Variants in ANKFY1 observed in about 807,000 individuals in gnomAD.
ANKFY1 encodes ankyrin repeat and FYVE domain containing 1, also known as ankyrin repeat and FYVE domain-containing protein 1.
ANKFY1 carries 47 observed loss-of-function variants against 128.3 expected under a neutral mutation model. That is an observed-to-expected ratio of 0.37 (90% CI 0.29 to 0.47). ANKFY1 has a LOEUF of 0.47. ANKFY1 is among the 20% of genes least tolerant of loss of function. The pLI, the probability that ANKFY1 is intolerant of heterozygous loss-of-function variation, is 1.00. For missense variants in ANKFY1, 1,222 were observed against 1,510.6 expected (o/e 0.81, Z 3.17); for synonymous variants, 553 against 601.6 (o/e 0.92, Z 1.18).
Position 4,184,967 on chromosome 17 carries a change from G to C in ANKFY1, c.1550C>G (p.Pro517Arg). The C allele has an allele frequency of 6.2e-7, 1 of 1,614,040 alleles. No homozygotes were observed. Among genetic ancestry groups the C allele is most frequent in the Non-Finnish European group, 8.5e-7 (1 of 1,180,042 alleles). The change falls in exon 12 of 25, where the codon CCA (proline) becomes CGA (arginine). Residue 517 changes from proline (P) to arginine (R), a missense_variant. Pro to Arg is a moderately radical substitution (Grantham distance 103). Transcript: ENST00000341657. Reference protein sequence around the residue: ...TAELLQQGANPNLQTEEALPL... With the variant: ...TAELLQQGANRNLQTEEALPL... ...CAGAGCTTCCTCCGTCTGCAGGTTT[G>C]GGTTGGCGCCTTGCTGCAGGAGCTC...
chr17:4,237,180 T>G (rs1240022168), intron 2 of ANKFY1, among the ~76,000 whole-genome samples: 1 of 152,106 alleles, frequency 6.6e-6, no homozygotes, highest in Non-Finnish European at 1.5e-5. Flanking sequence ...TTGTATATAA[T>G]GCTTGACAGA....
At chr17:4,216,906 T>C (rs1225250066) in intron 4 of ANKFY1, 77 bp downstream of exon 4, 63 of 1,593,170 alleles carry the variant, frequency 4.0e-5, no homozygotes, top group Non-Finnish European at 5.2e-5. Context: ...CAGAAGAAGC[T>C]GTTTTCCCAG....
In ANKFY1 at chr17:4,186,808, T is replaced by C. The variant is rs570463562; in HGVS notation, c.1471-1762A>G. 16 of 990,710 alleles carry C rather than the reference T, an allele frequency of 1.6e-5. No homozygotes were observed. The South Asian group carries it at 7.5e-4, about 46-fold the overall frequency. The allele number at this position is 990,710 out of a possible 1,614,324, so 61.4% of individuals were successfully genotyped here. A position where few individuals can be genotyped will look rare whatever the true frequency, so the allele number is the denominator to read the frequency against. On this transcript the variant is annotated intron_variant, in intron 11 of 24. Coordinates refer to ENST00000341657, the MANE Select transcript of ANKFY1 (RefSeq NM_001330063.2). Reference sequence around the variant, plus strand: ...CTGATCTACTCCACGGCTTCTGCCATTATCTGCAAGGAAGAGACTCTCAAA... The same window carrying C: ...CTGATCTACTCCACGGCTTCTGCCACTATCTGCAAGGAAGAGACTCTCAAA...
chr17:4,184,475 G>C (rs889382222), intron 12 of ANKFY1, among the ~76,000 whole-genome samples: 3 of 152,160 alleles, frequency 2.0e-5, no homozygotes, highest in African/African-American at 7.2e-5. Flanking sequence ...CTCTCTCATG[G>C]GGTGCCTGCC....
rs2059188176 is a variant in ANKFY1, at chr17:4,165,087, T to C, written c.*2692A>G. On this transcript the variant is annotated 3_prime_UTR_variant, in exon 25 of 25. Coordinates refer to ENST00000341657, the MANE Select transcript of ANKFY1 (RefSeq NM_001330063.2). ...AAAGTCCTAAGTGTAGGCACTTAAG[T>C]TTATGGGAAATTTCGGTGTTAGAGG... is the stretch of plus-strand genomic sequence containing the variant. 6.6e-6 allele frequency: 1 copy of C among 152,174 alleles called. No individual in the cohort carries two copies. Among genetic ancestry groups the C allele is most frequent in the Non-Finnish European group, 1.5e-5 (1 of 68,022 alleles). 9.4% of individuals were successfully genotyped at this position (152,174 alleles called of 1,614,324 possible). A position where few individuals can be genotyped will look rare whatever the true frequency, so the allele number is the denominator to read the frequency against.
At chr17:4,223,812 CTGGG>C in intron 3 of ANKFY1, 1 of 1,437,062 alleles carries the variant, frequency 7.0e-7, no homozygotes, top group Non-Finnish European at 9.7e-7. Flanking sequence ...TCATGCAGGC[CTGGG>C]GGCCTACGTC....
intron 3 of ANKFY1, chr17:4,222,436 G>T: frequency 1.2e-6 from 1 of 803,314 alleles, no homozygotes; most frequent in Non-Finnish European, 2.3e-6. Flanking sequence ...GTCCAAGGTT[G>T]AATGTAAGCT....
chr17:4,239,838 T>C (rs902832241), intron 2 of ANKFY1, among the ~76,000 whole-genome samples: 2 of 151,982 alleles, frequency 1.3e-5, no homozygotes, highest in Non-Finnish European at 2.9e-5. Flanking sequence ...CTATTTAAAA[T>C]GTCATAATTA....
At chr17:4,174,207 C>CTGT (rs2059374000) in intron 19 of ANKFY1, 151 bp from the exon 20 acceptor site, 1 of 867,784 alleles carries the variant, frequency 1.2e-6, no homozygotes, top group Non-Finnish European at 1.7e-6. Context: ...CACACACACT[C>CTGT]CTGCTGAAGC....
At chr17:4,170,992 C>T (rs942738732) in intron 22 of ANKFY1, 131 bp from the exon 23 acceptor site, 26 of 1,342,182 alleles carry the variant, frequency 1.9e-5, no homozygotes, top group Non-Finnish European at 2.5e-5. Context: ...TCCCCACAGA[C>T]ATACGGGGGC....
At chr17:4,170,076 C>T (rs1022289427) in intron 23 of ANKFY1, among the ~76,000 whole-genome samples, 5 of 152,232 alleles carry the variant, frequency 3.3e-5, no homozygotes, top group African/African-American at 1.2e-4. Context: ...GACCAGATGT[C>T]ACAAATGCTG....
At chr17:4,263,888 C>A (rs142727883) in intron 1 of ANKFY1, 44 bp downstream of exon 1, 1 of 1,613,594 alleles carries the variant, frequency 6.2e-7, no homozygotes, top group Non-Finnish European at 8.5e-7. Flanking sequence ...GCAGCGCCCC[C>A]ACAGCTCCGT....
chr17:4,223,811 C>T, intron 3 of ANKFY1: 1 of 1,433,840 alleles, frequency 7.0e-7, no homozygotes, highest in Non-Finnish European at 9.7e-7. Context: ...TTCATGCAGG[C>T]CTGGGGGCCT....
At chr17:4,263,670 C>A in intron 1 of ANKFY1, 2 of 1,533,342 alleles carry the variant, frequency 1.3e-6, no homozygotes, top group Middle Eastern at 1.7e-4. Flanking sequence ...CTGCACGCAG[C>A]ACCGGCGCGG....
At chr17:4,253,988 C>T (rs1967978802) in intron 1 of ANKFY1, among the ~76,000 whole-genome samples, 2 of 152,118 alleles carry the variant, frequency 1.3e-5, no homozygotes, top group Admixed American at 6.5e-5. Context: ...TTATGCAGCA[C>T]GTAACTGTTC....
Position 4,173,381 on chromosome 17 carries a change from G to A in ANKFY1, c.2987C>T (p.Thr996Ile). The A allele has an allele frequency of 6.2e-7, 1 of 1,614,196 alleles. No individual in the cohort carries two copies. Among genetic ancestry groups the A allele is most frequent in the South Asian group, 1.1e-5 (1 of 91,086 alleles). The change falls in exon 21 of 25, where the codon ACA (threonine) becomes ATA (isoleucine). Residue 996 changes from threonine to isoleucine, a missense_variant. Thr to Ile is a moderately conservative substitution (Grantham distance 89, BLOSUM62 -1). Coordinates refer to ENST00000341657, the MANE Select transcript of ANKFY1 (RefSeq NM_001330063.2). The stretch of plus-strand genomic sequence containing the variant: ...GAGATTAAAGGCTTCGGCGTCCACT[G>A]TGCACTCTGTCAGGAGAACCCGGAT... ...NNIRVLLTECTVDAEAFNLRG... is the reference protein window; with the variant it reads ...NNIRVLLTECIVDAEAFNLRG...
chr17:4,257,390 G>A (rs761172971), intron 1 of ANKFY1, among the ~76,000 whole-genome samples: 1 of 151,954 alleles, frequency 6.6e-6, no homozygotes, highest in African/African-American at 2.4e-5. Context: ...CGGTAGTATC[G>A]CTCCATGAGT....
chr17:4,261,551 CTG>C (rs1968417943), intron 1 of ANKFY1, among the ~76,000 whole-genome samples: 3 of 152,236 alleles, frequency 2.0e-5, no homozygotes, highest in Non-Finnish European at 2.9e-5. Context: ...AGCTATCCCC[CTG>C]CTAATTTAAC....
At chr17:4,249,616 A>G (rs955255988) in intron 1 of ANKFY1, among the ~76,000 whole-genome samples, 2 of 152,182 alleles carry the variant, frequency 1.3e-5, no homozygotes, top group African/African-American at 4.8e-5. Flanking sequence ...CAGTTTATCT[A>G]TCTGGAACAC....
Sources: allele counts gnomAD v4.1 joint callset (sites outside exome capture counted in the v4.1 genomes callset), GRCh38; gene constraint gnomAD v4.1.1; transcripts MANE v1.5; gene names NCBI Gene and HGNC (gene_info 2026-07-23, HGNC 2026-07-21).